The following TAOK1 variants were observed in gnomAD, a reference collection of about 807,000 sequenced individuals.
The protein encoded by TAOK1 is TAO kinase 1.
TAOK1 carries 21 observed loss-of-function variants against 138.3 expected under a neutral mutation model. The ratio of observed to expected loss-of-function variants is 0.15; its 90% confidence interval spans 0.11 to 0.22. TAOK1 has a LOEUF of 0.22. TAOK1 is among the 10% of genes least tolerant of loss of function. TAOK1 has a pLI of 1.00. For synonymous variants in TAOK1, 361 were observed against 398.4 expected (o/e 0.91, Z 1.12); for missense variants, 651 against 1,227.7 (o/e 0.53, Z 7.02).
At chr17:29,476,964 G>A (rs2030958700) in intron 4 of TAOK1, among the ~76,000 whole-genome samples, 1 of 151,914 alleles carries the variant, frequency 6.6e-6, no homozygotes, top group African/African-American at 2.4e-5. Context: ...TCCTGCCTAA[G>A]CTTCCCGAGT....
At chr17:29,493,016 G>A (rs1217456854) in intron 10 of TAOK1, among the ~76,000 whole-genome samples, 1 of 151,628 alleles carries the variant, frequency 6.6e-6, no homozygotes, top group Non-Finnish European at 1.5e-5. Flanking sequence ...TGGTGGACTC[G>A]TGTAGTCCCA....
chr17:29,493,620 G>A (rs1216402529), intron 10 of TAOK1, among the ~76,000 whole-genome samples: 2 of 152,068 alleles, frequency 1.3e-5, no homozygotes, highest in African/African-American at 4.8e-5. Flanking sequence ...TCCTAAGTCT[G>A]CATATATTAA....
At position 29,517,436 on chromosome 17, in the gene TAOK1, G is replaced by T; in HGVS notation, c.1705-17G>T. 1 of 1,611,482 alleles carries T rather than the reference G, an allele frequency of 6.2e-7. No individual in the cohort carries two copies. Among genetic ancestry groups the T allele is most frequent in the Non-Finnish European group, 8.5e-7 (1 of 1,179,456 alleles). ...TGCCAGGCCTATTTTTACCTGAGTT[G>T]TTTTTTATGTTGCCAGGAGCTAAAT... On this transcript the variant is annotated splice_polypyrimidine_tract_variant and intron_variant, in intron 15 of 19. Transcript: ENST00000261716.
Position 29,543,219 on chromosome 17 carries a change from G to C in TAOK1, c.*197G>C, listed in dbSNP as rs2032348911. ...GTCATAGTACTTGGCTGCCGGGTTT[G>C]TTTGTTTTTGGGGAAATTTTGAAAA... is the stretch of plus-strand genomic sequence containing the variant. On this transcript the variant is annotated 3_prime_UTR_variant, in exon 20 of 20. Transcript: ENST00000261716. 2.0e-6 allele frequency: 1 copy of C among 504,354 alleles called. No homozygotes were observed. Among genetic ancestry groups the C allele is most frequent in the Admixed American group, 3.8e-5 (1 of 26,592 alleles). 31.2% of individuals were successfully genotyped at this position (504,354 alleles called of 1,614,324 possible).
At chr17:29,519,000 C>T (rs1355203261) in intron 16 of TAOK1, among the ~76,000 whole-genome samples, 2 of 152,090 alleles carry the variant, frequency 1.3e-5, no homozygotes, top group Non-Finnish European at 2.9e-5. Flanking sequence ...TTCCCAACCT[C>T]AGGTGATCCA....
At chr17:29,455,937 G>A (rs1435691581) in intron 2 of TAOK1, among the ~76,000 whole-genome samples, 1 of 150,226 alleles carries the variant, frequency 6.7e-6, no homozygotes, top group African/African-American at 2.5e-5. Flanking sequence ...TTCTTGTGAT[G>A]TCTTTATCTA....
At chr17:29,481,612 G>T (rs2031063718) in intron 7 of TAOK1, among the ~76,000 whole-genome samples, 1 of 152,106 alleles carries the variant, frequency 6.6e-6, no homozygotes, top group Admixed American at 6.6e-5. Flanking sequence ...TGCCTTGGGA[G>T]CCTCTTTCTT....
chr17:29,397,607 C>CTCA lies in TAOK1; in HGVS notation c.-95+6583_-95+6584insTCA, dbSNP rs60665025. 1.1e-4 allele frequency among the ~76,000 whole-genome samples: 10 copies of CTCA among 94,614 alleles called. No homozygotes were observed. In the South Asian group the frequency reaches 2.3e-3, roughly 22 times the overall value. 62.1% of individuals were successfully genotyped at this position (94,614 alleles called of 152,430 possible). A position where few individuals can be genotyped will look rare whatever the true frequency, so the allele number is the denominator to read the frequency against. On this transcript the variant is annotated intron_variant, in intron 1 of 19. Coordinates refer to ENST00000261716, the MANE Select transcript of TAOK1 (RefSeq NM_020791.4). ...AACAGAGTGAGATTCCGTCCCCCCC[C>CTCA]AAAAAAATATATATATATATATACA...
At chr17:29,435,991 G>A (rs765423345) in intron 1 of TAOK1, among the ~76,000 whole-genome samples, 41 of 152,112 alleles carry the variant, frequency 2.7e-4, no homozygotes, top group Non-Finnish European at 5.0e-4. Context: ...TTAGCTGGGC[G>A]TGGTGGCTGG....
intron 12 of TAOK1, among the ~76,000 whole-genome samples, chr17:29,499,225 A>G (rs932569584): frequency 2.1e-5 from 3 of 143,394 alleles, no homozygotes; most frequent in African/African-American, 8.0e-5. Context: ...CATAATGTTT[A>G]TATCTTTTTT....
chr17:29,484,538 A>G (rs1288809472), intron 8 of TAOK1, among the ~76,000 whole-genome samples: 1 of 152,140 alleles, frequency 6.6e-6, no homozygotes, highest in East Asian at 1.9e-4. Flanking sequence ...CACATGTGCT[A>G]GTTAGCTACC....
chr17:29,515,421 C>G (rs1223937338), intron 15 of TAOK1, among the ~76,000 whole-genome samples: 1 of 152,150 alleles, frequency 6.6e-6, no homozygotes, highest in Non-Finnish European at 1.5e-5. Flanking sequence ...ACTTTATTAA[C>G]CAATCATTGT....
At chr17:29,506,623 C>T (rs2153029109) in intron 13 of TAOK1, among the ~76,000 whole-genome samples, 1 of 151,912 alleles carries the variant, frequency 6.6e-6, no homozygotes, top group East Asian at 1.9e-4. Context: ...TCAAATGTCT[C>T]ACCATAAAAA....
At chr17:29,425,132 C>T (rs902615875) in intron 1 of TAOK1, among the ~76,000 whole-genome samples, 1 of 152,160 alleles carries the variant, frequency 6.6e-6, no homozygotes, top group Non-Finnish European at 1.5e-5. Flanking sequence ...TGCAGTGGCA[C>T]GATCCCGGCT....
intron 1 of TAOK1, among the ~76,000 whole-genome samples, chr17:29,434,405 T>A (rs1337795016): frequency 3.3e-5 from 5 of 152,100 alleles, no homozygotes; most frequent in Non-Finnish European, 7.4e-5. Context: ...TGAAGATGAA[T>A]GGCTACCAAT....
intron 12 of TAOK1, among the ~76,000 whole-genome samples, chr17:29,499,758 A>T (rs2153028417): frequency 6.6e-6 from 1 of 151,556 alleles, no homozygotes; most frequent in South Asian, 2.1e-4. Flanking sequence ...AAGAAGTTTC[A>T]TCATGTTGGC....
At chr17:29,420,328 C>T (rs1378029080) in intron 1 of TAOK1, among the ~76,000 whole-genome samples, 1 of 152,066 alleles carries the variant, frequency 6.6e-6, no homozygotes, top group African/African-American at 2.4e-5. Context: ...GCCACAGTGC[C>T]GACCATAATT....
At chr17:29,536,790 C>G (rs759168729) in intron 19 of TAOK1, among the ~76,000 whole-genome samples, 1 of 150,266 alleles carries the variant, frequency 6.7e-6, no homozygotes, top group Non-Finnish European at 1.5e-5. Context: ...AGCTCCACCT[C>G]CCGGGTTTAC....
intron 16 of TAOK1, among the ~76,000 whole-genome samples, chr17:29,518,449 C>T (rs57727573): frequency 2.0e-5 from 3 of 152,198 alleles, no homozygotes; most frequent in Non-Finnish European, 4.4e-5. Flanking sequence ...CATGCCACTG[C>T]ACTCCAGCCT....
Sources: gnomAD v4.1 joint callset for allele counts (sites outside exome capture counted in the v4.1 genomes callset) on GRCh38, gnomAD v4.1.1 for gene constraint, MANE v1.5 for transcripts, NCBI Gene and HGNC (gene_info 2026-07-23, HGNC 2026-07-21) for gene names.